UTY: variants seen among roughly 807,000 people sequenced by gnomAD.
The protein encoded by UTY is ubiquitously transcribed tetratricopeptide repeat containing, Y-linked.
Under a neutral mutation model 32.5 loss-of-function variants are expected in UTY, and 12 were observed. That is an observed-to-expected ratio of 0.37 (90% CI 0.24 to 0.60). The LOEUF is 0.60. UTY is among the 20% of genes least tolerant of loss of function. UTY has a pLI of 0.69. For missense variants in UTY, 303 were observed against 299.2 expected (o/e 1.01, Z -0.09); for synonymous variants, 131 against 103.4 (o/e 1.27, Z -1.62).
intron 27 of UTY, among the ~76,000 whole-genome samples, chrY:13,276,492 G>A: frequency 9.0e-5 from 3 of 33,481 alleles, no homozygotes; most frequent in South Asian, 6.5e-4. Context: ...GGCGGATCAC[G>A]AGGTCAGGAG....
At chrY:13,357,779 T>G (rs2063094607) in intron 15 of UTY, 98 bp downstream of exon 15, 2 of 193,321 alleles carry the variant, frequency 1.0e-5, no homozygotes. Flanking sequence ...TATATTCATA[T>G]TAATTTAGTT....
At chrY:13,408,153 A>G in intron 6 of UTY, among the ~76,000 whole-genome samples, 1 of 32,800 alleles carries the variant, frequency 3.0e-5, no homozygotes, top group Non-Finnish European at 7.6e-5. Context: ...TTTTGAAGAC[A>G]GCAATGGAAA....
intron 4 of UTY, among the ~76,000 whole-genome samples, chrY:13,417,602 T>C: frequency 1.2e-4 from 4 of 33,388 alleles, no homozygotes; most frequent in African/African-American, 4.7e-4. Context: ...ACATCCAGGC[T>C]ACACAAGTGT....
intron 28 of UTY, among the ~76,000 whole-genome samples, chrY:13,252,179 CAAAAAAAAAA>C: frequency 2.7e-4 from 1 of 3,639 alleles, no homozygotes; most frequent in Admixed American, 3.0e-3. Flanking sequence ...GACTCCGTCT[CAAAAAAAAAA>C]AAAAAAAAAA....
In UTY at chrY:13,254,960, G is replaced by A. The variant is rs2148390801; in HGVS notation, c.4138-3773C>T. Among the ~76,000 whole-genome samples, 3 of 33,291 alleles carry A rather than the reference G, an allele frequency of 9.0e-5. No individual in the cohort carries two copies. The East Asian group carries it at 2.3e-3, about 26-fold the overall frequency. 89.3% of individuals were successfully genotyped at this position (33,291 alleles called of 37,273 possible). On this transcript the variant is annotated intron_variant, in intron 28 of 29. Transcript: ENST00000545955. ...CAAATTACTGATAAACGTCCTACCTGTAAAGTAACTATTCAGGGAAGAGAA... is the reference window on the plus strand; with the variant it reads ...CAAATTACTGATAAACGTCCTACCTATAAAGTAACTATTCAGGGAAGAGAA...
chrY:13,417,438 A>G (rs2071820771), intron 4 of UTY, among the ~76,000 whole-genome samples: 1 of 33,790 alleles, frequency 3.0e-5, no homozygotes, highest in South Asian at 6.5e-4. Context: ...ATAAACATAA[A>G]TACTTCCTCT....
intron 4 of UTY, among the ~76,000 whole-genome samples, chrY:13,423,176 A>C: frequency 9.0e-5 from 3 of 33,239 alleles, no homozygotes; most frequent in Non-Finnish European, 2.2e-4. Flanking sequence ...AACCCAGGCC[A>C]CTAAAAAAAT....
intron 27 of UTY, among the ~76,000 whole-genome samples, chrY:13,275,524 AGAT>A (rs2056614585): frequency 2.9e-5 from 1 of 34,054 alleles, no homozygotes; most frequent in Non-Finnish European, 7.3e-5. Context: ...CTAAAAGCCA[AGAT>A]GATAAGTACT....
At chrY:13,385,276 GACA>G (rs2066588894) in intron 8 of UTY, among the ~76,000 whole-genome samples, 1 of 32,982 alleles carries the variant, frequency 3.0e-5, no homozygotes. Context: ...TGAGGAAAAT[GACA>G]ACAATAAAAA....
At chrY:13,296,539 G>T (rs2148708375) in intron 27 of UTY, among the ~76,000 whole-genome samples, 1 of 32,998 alleles carries the variant, frequency 3.0e-5, no homozygotes, top group Non-Finnish European at 7.4e-5. Flanking sequence ...CCTTTTAATT[G>T]TAATTTCCAC....
At chrY:13,252,994 T>C in intron 28 of UTY, among the ~76,000 whole-genome samples, 5 of 33,085 alleles carry the variant, frequency 1.5e-4, no homozygotes, top group African/African-American at 5.9e-4. Flanking sequence ...AATCCCTCTA[T>C]ATAAGCTGGG....
intron 4 of UTY, among the ~76,000 whole-genome samples, chrY:13,416,418 C>T (rs2071683816): frequency 3.0e-5 from 1 of 33,889 alleles, no homozygotes; most frequent in East Asian, 7.7e-4. Context: ...CAACTAGGGC[C>T]TAATTATTAA....
Position 13,424,939 on chromosome Y carries a change from GAAAAGACAA to G in UTY, c.376-10155_376-10147del, listed in dbSNP as rs2073099885. On this transcript the variant is annotated intron_variant, in intron 4 of 29. Transcript: ENST00000545955. ...AAAGAAAACCCAGTATTCAGTGGAT[GAAAAGACAA>G]AAAACAAACAGGGAGAAAGTAGTCA... 3.6e-4 allele frequency among the ~76,000 whole-genome samples: 12 copies of G among 33,771 alleles called. No homozygotes were observed. The South Asian group carries it at 7.7e-3, about 22-fold the overall frequency. The allele number at this position is 33,771 out of a possible 37,273, so 90.6% of individuals were successfully genotyped here.
intron 27 of UTY, among the ~76,000 whole-genome samples, chrY:13,287,845 G>C: frequency 3.1e-5 from 1 of 32,679 alleles, no homozygotes; most frequent in East Asian, 7.9e-4. Flanking sequence ...GAAAAAAGGA[G>C]AACACATATC....
At chrY:13,395,613 T>G (rs2149522112) in intron 7 of UTY, among the ~76,000 whole-genome samples, 1 of 31,551 alleles carries the variant, frequency 3.2e-5, no homozygotes, top group Non-Finnish European at 7.7e-5. Context: ...GCACTCAGCC[T>G]GGTGAACAAA....
At chrY:13,396,740 T>C (rs2068282245) in intron 7 of UTY, 178 bp downstream of exon 7, 2 of 113,938 alleles carry the variant, frequency 1.8e-5, no homozygotes. Context: ...ATACTGACTG[T>C]CTTTGAGCAA....
At chrY:13,449,136 G>T in intron 3 of UTY, 70 bp from the exon 4 acceptor site, 1 of 222,505 alleles carries the variant, frequency 4.5e-6, no homozygotes, top group Non-Finnish European at 6.9e-6. Flanking sequence ...ACATTAAATT[G>T]ATATTTTAAT....
chrY:13,255,592 G>C, intron 28 of UTY, among the ~76,000 whole-genome samples: 1 of 33,293 alleles, frequency 3.0e-5, no homozygotes, highest in Non-Finnish European at 7.4e-5. Flanking sequence ...ATTAAAAAAA[G>C]ATCAGGTAAA....
chrY:13,465,318 A>C (rs2077812026), intron 3 of UTY, among the ~76,000 whole-genome samples: 2 of 33,254 alleles, frequency 6.0e-5, no homozygotes, highest in Non-Finnish European at 1.5e-4. Context: ...GGCATGAGTT[A>C]TAATGCTTCT....
Sources: gnomAD v4.1 joint callset for allele counts (sites outside exome capture counted in the v4.1 genomes callset) on GRCh38, gnomAD v4.1.1 for gene constraint, MANE v1.5 for transcripts, NCBI Gene and HGNC (gene_info 2026-07-23, HGNC 2026-07-21) for gene names.